The following SOD2 variants were observed in gnomAD, a reference collection of about 807,000 sequenced individuals.
The protein encoded by SOD2 is superoxide dismutase [Mn], mitochondrial.
A neutral mutation model predicts 27.0 loss-of-function variants in SOD2; 11 were observed. The ratio of observed to expected loss-of-function variants is 0.41; its 90% confidence interval spans 0.26 to 0.67. The LOEUF is 0.67. Ranked by LOEUF, SOD2 falls within the 30% of genes least tolerant of loss-of-function variation. SOD2 has a pLI of 0.34. For missense variants in SOD2, 250 were observed against 274.5 expected (o/e 0.91, Z 0.63); for synonymous variants, 105 against 103.0 (o/e 1.02, Z -0.12).
rs138053621 is a variant in SOD2 at position 159,755,245 on chromosome 6, C to T, written c.-336+5792G>A. On this transcript the variant is annotated intron_variant, in intron 1 of 7. Coordinates refer to the SOD2 transcript ENST00000546087. ...GTAAAGACTGCAGTCGTCTGACAAA[C>T]GGACCAAGTAATGGTAGCTCCTCCC... 115 of 1,614,136 alleles carry T rather than the reference C, an allele frequency of 7.1e-5. No homozygotes were observed. The East Asian group carries it at 1.9e-3, about 27-fold the overall frequency.
intron 1 of SOD2, chr6:159,755,733 GTTGTTTTTTTTCT>G (rs1779979312): frequency 2.5e-5 from 14 of 551,166 alleles, no homozygotes; most frequent in South Asian, 9.9e-5. Context: ...GTTTTTTTTT[GTTGTTTTTTTTCT>G]TTGTTTTTTT....
intron 1 of SOD2, among the ~76,000 whole-genome samples, chr6:159,721,530 G>C (rs575966905): frequency 6.6e-6 from 1 of 151,864 alleles, no homozygotes; most frequent in East Asian, 1.9e-4. Flanking sequence ...CACCATGCCC[G>C]GCTAATTTTG....
At chr6:159,749,554 A>G (rs376762680), upstream of SOD2, 17 of 521,564 alleles carry the variant, frequency 3.3e-5, 1 homozygote, top group South Asian at 1.4e-3. Context: ...TGTGCTCTTC[A>G]AAGTGAAGGA....
At chr6:159,683,171 T>A (rs549501555) in intron 4 of SOD2, among the ~76,000 whole-genome samples, 1 of 152,200 alleles carries the variant, frequency 6.6e-6, no homozygotes, top group Non-Finnish European at 1.5e-5. Flanking sequence ...TTTAGTTCTA[T>A]CTGTAAAACA....
intron 1 of SOD2, among the ~76,000 whole-genome samples, chr6:159,738,054 A>G (rs1373381255): frequency 6.6e-6 from 1 of 152,196 alleles, no homozygotes; most frequent in African/African-American, 2.4e-5. Context: ...GGGAATTGAC[A>G]TTGGTACAAT....
At chr6:159,692,260 C>T (rs763587351) in intron 2 of SOD2, 4 of 541,824 alleles carry the variant, frequency 7.4e-6, no homozygotes, top group Non-Finnish European at 1.1e-5. Context: ...GGCACACCTA[C>T]CTGAGAGACC....
At chr6:159,707,968 G>A (rs1034039078) in intron 1 of SOD2, among the ~76,000 whole-genome samples, 137 of 152,016 alleles carry the variant, frequency 9.0e-4, no homozygotes, top group African/African-American at 3.2e-3. Context: ...TTCAACATAC[G>A]CAAACCAATA....
intron 1 of SOD2, chr6:159,736,244 A>C (rs367793783): frequency 1.3e-6 from 2 of 1,588,024 alleles, no homozygotes; most frequent in Admixed American, 3.5e-5. Context: ...GTTTTCCGCA[A>C]CTTTTTTTTT....
intron 1 of SOD2, among the ~76,000 whole-genome samples, chr6:159,754,197 T>G (rs1779922099): frequency 6.6e-6 from 1 of 152,236 alleles, no homozygotes. Context: ...TGAAAATTAG[T>G]GTCTCTGGTT....
At chr6:159,686,729 T>G (rs1013082719) in intron 3 of SOD2, among the ~76,000 whole-genome samples, 1 of 152,206 alleles carries the variant, frequency 6.6e-6, no homozygotes, top group Non-Finnish European at 1.5e-5. Context: ...CATCATTACC[T>G]TAAAATGAAA....
chr6:159,716,997 C>A, intron 1 of SOD2, among the ~76,000 whole-genome samples: 1 of 152,216 alleles, frequency 6.6e-6, no homozygotes, highest in East Asian at 1.9e-4. Context: ...AATGCCTAGT[C>A]ATTCTGGCAT....
intron 1 of SOD2, chr6:159,760,296 G>T (rs1432369947): frequency 6.6e-6 from 1 of 152,198 alleles, no homozygotes; most frequent in African/African-American, 2.4e-5. Context: ...ATTTGAGACA[G>T]TTTCTCTCTG....
At chr6:159,718,299 T>A (rs369261999) in intron 1 of SOD2, among the ~76,000 whole-genome samples, 6 of 152,294 alleles carry the variant, frequency 3.9e-5, no homozygotes, top group South Asian at 2.1e-4. Flanking sequence ...TGCCTGGTCA[T>A]ATATACCACA....
At chr6:159,755,765 CTTT>C in intron 1 of SOD2, 6,062 of 170,996 alleles carry the variant, frequency 0.035, 1 homozygote, top group Middle Eastern at 0.058. Context: ...TTTTTCTTTT[CTTT>C]TTTTTTTTTT....
At chr6:159,706,217 C>CA (rs1295639021) in intron 1 of SOD2, among the ~76,000 whole-genome samples, 1 of 152,158 alleles carries the variant, frequency 6.6e-6, no homozygotes, top group Non-Finnish European at 1.5e-5. Flanking sequence ...AACTAATGAG[C>CA]AAAATAACCA....
chr6:159,712,930 C>G, intron 1 of SOD2: 1 of 640,196 alleles, frequency 1.6e-6, no homozygotes, highest in Non-Finnish European at 2.9e-6. Context: ...AAAAGGTCTC[C>G]CTGTACCTGT....
At chr6:159,688,433 G>A (rs563886136) in intron 2 of SOD2, 191 bp from the exon 3 acceptor site, 26 of 524,074 alleles carry the variant, frequency 5.0e-5, no homozygotes, top group Middle Eastern at 5.2e-4. Flanking sequence ...ACTGATGAAG[G>A]ACCTAGCAGA....
upstream of SOD2, among the ~76,000 whole-genome samples, chr6:159,746,302 G>A (rs745849505): frequency 2.6e-5 from 4 of 152,146 alleles, no homozygotes; most frequent in Admixed American, 1.3e-4. Context: ...TAGGTTAAGC[G>A]AATGGTTGAA....
At chr6:159,746,228 G>T (rs1779565776), upstream of SOD2, among the ~76,000 whole-genome samples, 1 of 152,228 alleles carries the variant, frequency 6.6e-6, no homozygotes, top group South Asian at 2.1e-4. Context: ...AGTGGGAAGT[G>T]AGAGAAACTA....
Sources: gnomAD v4.1 joint callset for allele counts (sites outside exome capture counted in the v4.1 genomes callset) on GRCh38, gnomAD v4.1.1 for gene constraint, MANE v1.5 for transcripts, NCBI Gene and HGNC (gene_info 2026-07-23, HGNC 2026-07-21) for gene names.